The following ELF3 variants were observed in gnomAD, a reference collection of about 807,000 sequenced individuals.
ELF3 encodes the protein ETS-related transcription factor Elf-3.
ELF3 carries 18 observed loss-of-function variants against 43.9 expected under a neutral mutation model. That is an observed-to-expected ratio of 0.41 (90% confidence interval 0.28 to 0.61). The LOEUF is 0.61. Among genes scored for constraint, ELF3 ranks in the 20% least tolerant of loss-of-function variants. The pLI is 0.30. For synonymous variants in ELF3, 181 were observed against 190.2 expected, an observed-to-expected ratio of 0.95 and a Z score of 0.40; for missense variants, 373 against 487.7, an observed-to-expected ratio of 0.76 and a Z score of 2.21.
rs569552742 is a variant in ELF3, at chr1:202,013,887, C to T, written c.864C>T (p.Leu288=). The change falls in exon 8 of 9, where the codon CTC becomes CTT. Residue 288 remains leucine, a synonymous_variant. Coordinates refer to ENST00000367284, the MANE Select transcript of ELF3 (RefSeq NM_004433.5). The surrounding 1 kb of genome is among the most constrained non-coding windows in gnomAD (Gnocchi z 5.7). ...FIRDILIHPE[L]NEGLMKWENR... is the part of the protein sequence containing the mutation. ...GGGACATCCTCATCCACCCGGAGCTCAACGAGGGCCTCATGAAGTGGGAGA... is the reference window on the plus strand; with the variant it reads ...GGGACATCCTCATCCACCCGGAGCTTAACGAGGGCCTCATGAAGTGGGAGA... The T allele has an allele frequency of 1.9e-6, 3 of 1,614,090 alleles. No homozygotes were observed. In the African/African-American group the frequency reaches 4.0e-5, roughly 22 times the overall value.
chr1:202,012,127 C>G lies in ELF3; in HGVS notation c.334C>G (p.Leu112Val), dbSNP rs1290539287. ...CAATTGTGCCCTTGAGGAGCTGCGT[C>G]TGGTCTTTGGGCCTCTGGGGGACCA... ...LCNCALEELR[L>V]VFGPLGDQLH... Residue 112 changes from leucine to valine, a missense_variant, in exon 3 of 9, where the codon CTG becomes GTG. Coordinates refer to ENST00000367284, the MANE Select transcript of ELF3 (RefSeq NM_004433.5). This position sits in a 1 kb window ranked among gnomAD's most constrained non-coding sequence, Gnocchi z 4.2. The G allele has an allele frequency of 6.2e-7, 1 of 1,613,882 alleles. No homozygotes were observed. The highest frequency in any genetic ancestry group is 1.7e-5 in the Admixed American group (1 of 60,008).
At position 202,013,083 on chromosome 1, in the gene ELF3, C is replaced by T. The variant is rs369092706; in HGVS notation, c.688+47C>T. The T allele has an allele frequency of 1.2e-4, 199 of 1,602,230 alleles. No individual in the cohort carries two copies. The highest frequency in any genetic ancestry group is 1.7e-4 in the Middle Eastern group (1 of 6,020). ...AGAGGGCGTCCCATTTAGCAATGCA[C>T]AGGGGGCCCGGCTCTTCCTGCAGCC... On this transcript the variant is annotated intron_variant, in intron 6 of 8. Transcript: ENST00000367284. The surrounding 1 kb of genome is among the most constrained non-coding windows in gnomAD (Gnocchi z 5.7).
At position 202,015,394 on chromosome 1, in the gene ELF3, C is replaced by T; in HGVS notation, c.*71C>T. 6.8e-7 allele frequency: 1 copy of T among 1,461,168 alleles called. No individual in the cohort carries two copies. Among genetic ancestry groups the T allele is most frequent in the Non-Finnish European group, 9.5e-7 (1 of 1,054,486 alleles). 90.5% of individuals were successfully genotyped at this position (1,461,168 alleles called of 1,614,324 possible). On this transcript the variant is annotated 3_prime_UTR_variant, in exon 9 of 9. Transcript: ENST00000367284. ...CTGCAAACCTTCCTGGGAGGACAGG[C>T]AGGCCAGATGGCCCCTCCACTGGGG...
Position 202,013,880 on chromosome 1 carries a change from C to T in ELF3, c.857C>T (p.Pro286Leu). The change falls in exon 8 of 9, where the codon CCG becomes CTG. Residue 286 changes from proline (P) to leucine (L), a missense_variant. Pro to Leu is a moderately conservative substitution (Grantham distance 98). Transcript: ENST00000367284. This position sits in a 1 kb window ranked among gnomAD's most constrained non-coding sequence, Gnocchi z 5.7. ...TTCATCCGGGACATCCTCATCCACC[C>T]GGAGCTCAACGAGGGCCTCATGAAG... ...WEFIRDILIH[P>L]ELNEGLMKWE... 2.5e-6 allele frequency: 4 copies of T among 1,614,020 alleles called. No individual in the cohort carries two copies. Among genetic ancestry groups the T allele is most frequent in the Non-Finnish European group, 2.5e-6 (3 of 1,179,972 alleles).
chr1:202,011,962 G>A lies in ELF3; in HGVS notation c.169G>A (p.Ala57Thr), dbSNP rs976723834. The part of the protein sequence containing the change: ...PQMSLEGTEK[A>T]SWLGEQPQFW... ...TCCCTGCCTGGCCCTTGCAGAGAAG[G>A]CCAGCTGGTTGGGGGAACAGCCCCA... The change falls in exon 3 of 9, where the codon GCC becomes ACC. Residue 57 changes from alanine to threonine, a missense_variant. Ala to Thr is a moderately conservative substitution (Grantham distance 58, BLOSUM62 0). Around this residue, in one of 3 missense-constraint regions of ELF3, gnomAD observed 311 missense variants for 351.2 expected, o/e 0.89. Coordinates refer to ENST00000367284, the MANE Select transcript of ELF3 (RefSeq NM_004433.5). 6.2e-7 allele frequency: 1 copy of A among 1,613,844 alleles called. No individual in the cohort carries two copies. The highest frequency in any genetic ancestry group is 1.3e-5 in the African/African-American group (1 of 75,058).
rs750245039 is a variant in ELF3, at chr1:202,013,331, G to A, written c.805+33G>A. On this transcript the variant is annotated intron_variant, in intron 7 of 8. Transcript: ENST00000367284. This position sits in a 1 kb window ranked among gnomAD's most constrained non-coding sequence, Gnocchi z 5.7. ...CCGGGGGCACGTGGGTCCTCCCTGC[G>A]CCGGGCTGAGCGGCTTCCTGGGGCA... The A allele has an allele frequency of 1.8e-5, 29 of 1,597,104 alleles. 1 individual carries two copies. Among genetic ancestry groups the A allele is most frequent in the Middle Eastern group, 1.7e-4 (1 of 6,002 alleles).
Position 202,012,015 on chromosome 1 carries a change from C to T in ELF3, c.222C>T (p.Asp74=), listed in dbSNP as rs1684207911. The change falls in exon 3 of 9, where the codon GAC becomes GAT. Residue 74 remains aspartate, a synonymous_variant. Coordinates refer to ENST00000367284, the MANE Select transcript of ELF3 (RefSeq NM_004433.5). This position sits in a 1 kb window ranked among gnomAD's most constrained non-coding sequence, Gnocchi z 4.2. ...TCTGGTCGAAGACGCAGGTTCTGGA[C>T]TGGATCAGCTACCAAGTGGAGAAGA... The part of the protein sequence containing the change: ...PQFWSKTQVL[D]WISYQVEKNK... 1 of 1,614,186 alleles carries T rather than the reference C, an allele frequency of 6.2e-7. No individual in the cohort carries two copies. Among genetic ancestry groups the T allele is most frequent in the East Asian group, 2.2e-5 (1 of 44,892 alleles).
rs751139092 is a variant in ELF3, at chr1:202,015,225, G to C, written c.1018G>C (p.Glu340Gln). Residue 340 changes from glutamate to glutamine, a missense_variant, in exon 9 of 9, where the codon GAG becomes CAG. Physicochemically the swap from Glu to Gln is conservative, Grantham distance 29. Around this residue, in one of 3 missense-constraint regions of ELF3, gnomAD observed 61 missense variants for 115.9 expected, o/e 0.53. Transcript: ENST00000367284. ...SRAMRYYYKREILERVDGRRL... is the reference protein window; with the variant it reads ...SRAMRYYYKRQILERVDGRRL... The stretch of plus-strand genomic sequence containing the variant: ...TTCACCCAGGTACTACTACAAACGG[G>C]AGATCCTGGAACGGGTGGATGGCCG... 57 of 1,614,090 alleles carry C rather than the reference G, an allele frequency of 3.5e-5. No individual in the cohort carries two copies. The highest frequency in any genetic ancestry group is 4.8e-5 in the Non-Finnish European group (57 of 1,180,020).
rs1353166128 is a variant in ELF3, at chr1:202,012,783, A to C, written c.598+24A>C. On this transcript the variant is annotated intron_variant, in intron 5 of 8. Transcript: ENST00000367284. The surrounding 1 kb of genome is among the most constrained non-coding windows in gnomAD (Gnocchi z 4.2). ...AGGTGAGAGCTCTCTCTGGGCCACA[A>C]CCTCCCTTCCCCGAAGTGTCCCTTG... 6.5e-7 allele frequency: 1 copy of C among 1,539,478 alleles called. No homozygotes were observed. Among genetic ancestry groups the C allele is most frequent in the Non-Finnish European group, 8.7e-7 (1 of 1,144,104 alleles).
rs778467135 is a variant in ELF3 at position 202,012,181 on chromosome 1, G to A, written c.385+3G>A. On this transcript the variant is annotated splice_donor_region_variant and intron_variant, in intron 3 of 8. Coordinates refer to ENST00000367284, the MANE Select transcript of ELF3 (RefSeq NM_004433.5). This position sits in a 1 kb window ranked among gnomAD's most constrained non-coding sequence, Gnocchi z 4.2. ...CCATGCCCAGCTGCGAGACCTCAGTGAGTCCAGGCCCCTGGAGGCTGGGGA... is the reference window on the plus strand; with the variant it reads ...CCATGCCCAGCTGCGAGACCTCAGTAAGTCCAGGCCCCTGGAGGCTGGGGA... 8.1e-6 allele frequency: 13 copies of A among 1,612,808 alleles called. No individual in the cohort carries two copies. Among genetic ancestry groups the A allele is most frequent in the Non-Finnish European group, 1.1e-5 (13 of 1,179,824 alleles).
Position 202,016,884 on chromosome 1 carries a change from C to A in ELF3, c.*1561C>A, listed in dbSNP as rs1684319738. ...TTCCACAGGTGTGCCTTGATTCTGT[C>A]CTAAAACCGTTTCCCGGAAGCTTTT... On this transcript the variant is annotated 3_prime_UTR_variant, in exon 9 of 9. Transcript: ENST00000367284. The A allele has an allele frequency of 6.6e-6, 1 of 152,170 alleles. No homozygotes were observed. The highest frequency in any genetic ancestry group is 2.4e-5 in the African/African-American group (1 of 41,428). The allele number at this position is 152,170 out of a possible 1,614,324, so 9.4% of individuals were successfully genotyped here.
At position 202,013,496 on chromosome 1, in the gene ELF3, A is replaced by C. The variant is rs187864078; in HGVS notation, c.805+198A>C. 6.6e-5 allele frequency among the ~76,000 whole-genome samples: 10 copies of C among 152,082 alleles called. No individual in the cohort carries two copies. The highest frequency in any genetic ancestry group is 6.5e-4 in the Admixed American group (10 of 15,282). On this transcript the variant is annotated intron_variant, in intron 7 of 8. Coordinates refer to ENST00000367284, the MANE Select transcript of ELF3 (RefSeq NM_004433.5). The surrounding 1 kb of genome is among the most constrained non-coding windows in gnomAD (Gnocchi z 5.7). Reference sequence around the variant, plus strand: ...GCCTGGCTTGGTGGTCCTGGAGAGGAGGAGGAAATAAGGCTCCCAGTGGGA... The same window carrying C: ...GCCTGGCTTGGTGGTCCTGGAGAGGCGGAGGAAATAAGGCTCCCAGTGGGA...
At chr1:202,011,381 C>G (rs191969791) in intron 2 of ELF3, 82 bp downstream of exon 2, 1 of 1,472,072 alleles carries the variant, frequency 6.8e-7, no homozygotes, top group Admixed American at 2.4e-5. Context: ...GGGGAATAGG[C>G]AGGGAGGAGG....
rs747776451 is a variant in ELF3 at position 202,012,186 on chromosome 1, C to T, written c.385+8C>T. The T allele has an allele frequency of 1.2e-6, 2 of 1,612,384 alleles. No homozygotes were observed. The highest frequency in any genetic ancestry group is 1.1e-5 in the South Asian group (1 of 90,954). On this transcript the variant is annotated splice_region_variant and intron_variant, in intron 3 of 8. Coordinates refer to ENST00000367284, the MANE Select transcript of ELF3 (RefSeq NM_004433.5). The surrounding 1 kb of genome is among the most constrained non-coding windows in gnomAD (Gnocchi z 4.2). ...CCCAGCTGCGAGACCTCAGTGAGTC[C>T]AGGCCCCTGGAGGCTGGGGAGCAGC... is the stretch of plus-strand genomic sequence containing the variant.
In ELF3 at chr1:202,010,962, C is replaced by A; in HGVS notation, c.-8-167C>A. On this transcript the variant is annotated intron_variant, in intron 1 of 8. Transcript: ENST00000367284. The surrounding 1 kb of genome is among the most constrained non-coding windows in gnomAD (Gnocchi z 4.3). ...GAGGCTCCTGTGGTCCTGCCCTGGT[C>A]TGAGATCTTGGAGCCCTTCTTGAAG... 1.4e-6 allele frequency: 1 copy of A among 691,124 alleles called. No individual in the cohort carries two copies. Among genetic ancestry groups the A allele is most frequent in the Non-Finnish European group, 2.3e-6 (1 of 426,622 alleles). 42.8% of individuals were successfully genotyped at this position (691,124 alleles called of 1,614,324 possible). A position where few individuals can be genotyped will look rare whatever the true frequency, so the allele number is the denominator to read the frequency against.
Position 202,013,320 on chromosome 1 carries a change from G to A in ELF3, c.805+22G>A, listed in dbSNP as rs1477782582. 3.7e-6 allele frequency: 6 copies of A among 1,609,564 alleles called. No individual in the cohort carries two copies. The highest frequency in any genetic ancestry group is 5.1e-6 in the Non-Finnish European group (6 of 1,176,468). Reference sequence around the variant, plus strand: ...CACGGTGAGCTCCGGGGGCACGTGGGTCCTCCCTGCGCCGGGCTGAGCGGC... The same window carrying A: ...CACGGTGAGCTCCGGGGGCACGTGGATCCTCCCTGCGCCGGGCTGAGCGGC... On this transcript the variant is annotated intron_variant, in intron 7 of 8. Transcript: ENST00000367284. This position sits in a 1 kb window ranked among gnomAD's most constrained non-coding sequence, Gnocchi z 5.7.
At chr1:202,011,781 G>T (rs563314909) in intron 2 of ELF3, 176 bp from the exon 3 acceptor site, 4 of 634,886 alleles carry the variant, frequency 6.3e-6, no homozygotes, top group Non-Finnish European at 1.1e-5. Context: ...GGAGGCTGAC[G>T]CAGGAGTATC....
intron 8 of ELF3, 108 bp from the exon 9 acceptor site, chr1:202,015,101 A>C (rs1241765135): frequency 9.6e-7 from 1 of 1,037,288 alleles, no homozygotes; most frequent in Non-Finnish European, 1.5e-6. Context: ...TCAGGCAGAG[A>C]CCAGTGGGCA....
chr1:202,013,177 C>T lies in ELF3; in HGVS notation c.689-5C>T. 2 of 1,614,000 alleles carry T rather than the reference C, an allele frequency of 1.2e-6. No homozygotes were observed. On this transcript the variant is annotated splice_polypyrimidine_tract_variant and splice_region_variant and intron_variant, in intron 6 of 8. Coordinates refer to ENST00000367284, the MANE Select transcript of ELF3 (RefSeq NM_004433.5). This position sits in a 1 kb window ranked among gnomAD's most constrained non-coding sequence, Gnocchi z 5.7. ...CTCCTTGACCTTCCACCACCGTCCCCACAGATGGTTTTCGTGACTGCAAGA... is the reference window on the plus strand; with the variant it reads ...CTCCTTGACCTTCCACCACCGTCCCTACAGATGGTTTTCGTGACTGCAAGA...
Sources: gnomAD v4.1 joint callset for allele counts (sites outside exome capture counted in the v4.1 genomes callset) on GRCh38, gnomAD v4.1.1 for gene constraint, gnomAD v4.1.1 regional missense constraint, Gnocchi (gnomAD v3.1) non-coding constraint, MANE v1.5 for transcripts, NCBI Gene and HGNC (gene_info 2026-07-23, HGNC 2026-07-21) for gene names.